Variants in SMAP2 observed in about 807,000 individuals in gnomAD.
The protein encoded by SMAP2 is small ArfGAP2.
In SMAP2, 25 loss-of-function variants were observed where a neutral mutation model predicts 56.4. That is an observed-to-expected ratio of 0.44 (90% CI 0.32 to 0.62). The LOEUF (loss-of-function observed/expected upper bound fraction) is 0.62. SMAP2 is among the 20% of genes least tolerant of loss of function. The pLI is 0.04. For synonymous variants in SMAP2, 157 were observed against 181.7 expected (o/e 0.86, Z 1.09); for missense variants, 388 against 545.6 (o/e 0.71, Z 2.88).
chr1:40,403,640 C>T, intron 1 of SMAP2: 1 of 984,832 alleles, frequency 1.0e-6, no homozygotes, highest in South Asian at 4.7e-5. Context: ...TTCTATACCA[C>T]ATCCTTATAT....
At chr1:40,375,678 G>T in intron 1 of SMAP2, 1 of 361,496 alleles carries the variant, frequency 2.8e-6, no homozygotes, top group Non-Finnish European at 3.9e-6. Flanking sequence ...TAGGTCTATT[G>T]GAAGATTTGG....
chr1:40,388,916 C>G (rs556419591), intron 1 of SMAP2, among the ~76,000 whole-genome samples: 1 of 151,810 alleles, frequency 6.6e-6, no homozygotes, highest in African/African-American at 2.4e-5. Context: ...CCGGGAGGAA[C>G]GAACAATTCC....
At position 40,422,221 on chromosome 1, in the gene SMAP2, T is replaced by A. The variant is rs1645050761; in HGVS notation, c.*120T>A. 1 of 1,399,736 alleles carries A rather than the reference T, an allele frequency of 7.1e-7. No individual in the cohort carries two copies. Among genetic ancestry groups the A allele is most frequent in the African/African-American group, 1.4e-5 (1 of 70,004 alleles). 86.7% of individuals were successfully genotyped at this position (1,399,736 alleles called of 1,614,324 possible). Reference sequence around the variant, plus strand: ...TCTGTTTGGTTTAGAAATTGCTCAATAAGTCATTTGGGGTTTGGCATCCTG... The same window carrying A: ...TCTGTTTGGTTTAGAAATTGCTCAAAAAGTCATTTGGGGTTTGGCATCCTG... On this transcript the variant is annotated 3_prime_UTR_variant, in exon 10 of 10. Coordinates refer to ENST00000372718, the MANE Select transcript of SMAP2 (RefSeq NM_022733.3).
At chr1:40,351,653 A>C (rs11588759) in intron 1 of SMAP2, among the ~76,000 whole-genome samples, 2 of 152,002 alleles carry the variant, frequency 1.3e-5, no homozygotes, top group East Asian at 3.8e-4. Context: ...ACAGGCGTGC[A>C]CCACCAAGCC....
chr1:40,383,919 CAG>C (rs982498597), intron 1 of SMAP2, among the ~76,000 whole-genome samples: 3 of 151,936 alleles, frequency 2.0e-5, no homozygotes, highest in Admixed American at 6.6e-5. Context: ...TTTCTGGAGA[CAG>C]AGTCTTGCTC....
rs1002939552 is a variant in SMAP2 at position 40,376,212 on chromosome 1, A to T, written c.103+1989A>T. ...GTGATCCACCCGCCTCAGCCTTCCA[A>T]AGTGCTGGGATTACAGGTGTGAGCC... On this transcript the variant is annotated intron_variant, in intron 1 of 9. Coordinates refer to ENST00000372718, the MANE Select transcript of SMAP2 (RefSeq NM_022733.3). Among the ~76,000 whole-genome samples, 9 of 152,268 alleles carry T rather than the reference A, an allele frequency of 5.9e-5. No individual in the cohort carries two copies. The South Asian group carries it at 1.9e-3, about 32-fold the overall frequency.
rs374248678 is a variant in SMAP2, at chr1:40,415,257, G to T, written c.572-15G>T. On this transcript the variant is annotated splice_polypyrimidine_tract_variant and intron_variant, in intron 6 of 9. Coordinates refer to ENST00000372718, the MANE Select transcript of SMAP2 (RefSeq NM_022733.3). Reference sequence around the variant, plus strand: ...ATAAGCAGTGCTGCATCTTAACTTCGATCTCTCTTTCTAGATGCTCCTGTG... The same window carrying T: ...ATAAGCAGTGCTGCATCTTAACTTCTATCTCTCTTTCTAGATGCTCCTGTG... The T allele has an allele frequency of 6.6e-5, 106 of 1,595,400 alleles. 2 individuals are homozygous for T. The African/African-American group carries it at 1.2e-3, about 18-fold the overall frequency.
At position 40,422,417 on chromosome 1, in the gene SMAP2, A is replaced by G. The variant is rs1645052329; in HGVS notation, c.*316A>G. On this transcript the variant is annotated 3_prime_UTR_variant, in exon 10 of 10. Coordinates refer to ENST00000372718, the MANE Select transcript of SMAP2 (RefSeq NM_022733.3). ...TGCACACCTTTGAGTCCCTTCCCTCAAGGTTAAAGCTCCTGTCAGACTCTC... is the reference window on the plus strand; with the variant it reads ...TGCACACCTTTGAGTCCCTTCCCTCGAGGTTAAAGCTCCTGTCAGACTCTC... The G allele has an allele frequency of 3.3e-6, 1 of 306,708 alleles. No homozygotes were observed. Among genetic ancestry groups the G allele is most frequent in the South Asian group, 3.7e-5 (1 of 26,724 alleles). 19.0% of individuals were successfully genotyped at this position (306,708 alleles called of 1,614,324 possible).
intron 1 of SMAP2, among the ~76,000 whole-genome samples, chr1:40,393,690 C>T (rs1326196612): frequency 2.0e-5 from 3 of 151,732 alleles, no homozygotes; most frequent in Non-Finnish European, 4.4e-5. Flanking sequence ...GTATTACAGG[C>T]GTGAGCCACA....
At chr1:40,366,028 C>A (rs1173435897) in intron 2 of SMAP2, among the ~76,000 whole-genome samples, 1 of 146,686 alleles carries the variant, frequency 6.8e-6, no homozygotes, top group Non-Finnish European at 1.5e-5. Context: ...GAGCTGAAAA[C>A]CAAGGCTCGA....
In SMAP2 at chr1:40,416,990, G is replaced by A; in HGVS notation, c.1058G>A (p.Gly353Glu). ...GCATCAATGATGGGTGTGCCGAATG[G>A]AATGATGACCACCCAGCAGGCTGGC... is the stretch of plus-strand genomic sequence containing the variant. ...MQASMMGVPN[G>E]MMTTQQAGYM... The change falls in exon 9 of 10, where the codon GGA becomes GAA. Residue 353 changes from glycine (G) to glutamate (E), a missense_variant. Gly to Glu is a moderately conservative substitution (Grantham distance 98, BLOSUM62 -2). Transcript: ENST00000372718. The A allele has an allele frequency of 6.2e-7, 1 of 1,614,182 alleles. No individual in the cohort carries two copies. Among genetic ancestry groups the A allele is most frequent in the East Asian group, 2.2e-5 (1 of 44,874 alleles).
intron 1 of SMAP2, among the ~76,000 whole-genome samples, chr1:40,380,529 C>CTTTTTTTTTTTTTTTTTTTTTTTTT (rs370625950): frequency 1.4e-5 from 2 of 142,878 alleles, no homozygotes; most frequent in Non-Finnish European, 1.5e-5. Context: ...ATCTGTGGCA[C>CTTTTTTTTTTTTTTTTTTTTTTTTT]TTTTTTTTTT....
Position 40,413,076 on chromosome 1 carries a change from C to A in SMAP2, c.463C>A (p.Pro155Thr), listed in dbSNP as rs1233908244. ...SEPVPEKKLE[P>T]VVFEKVKMPQ... ...ACCAGTTCCAGAAAAAAAATTGGAA[C>A]CTGTTGTTTTTGAGAAGGTGAAAAT... Residue 155 changes from proline to threonine, a missense_variant, in exon 5 of 10, where the codon CCT becomes ACT. Coordinates refer to ENST00000372718, the MANE Select transcript of SMAP2 (RefSeq NM_022733.3). The A allele has an allele frequency of 2.5e-6, 4 of 1,613,696 alleles. No homozygotes were observed. Among genetic ancestry groups the A allele is most frequent in the South Asian group, 1.1e-5 (1 of 91,064 alleles).
chr1:40,408,601 C>T lies in SMAP2; in HGVS notation c.238-52C>T. The T allele has an allele frequency of 6.6e-7, 1 of 1,509,882 alleles. No individual in the cohort carries two copies. The highest frequency in any genetic ancestry group is 9.2e-7 in the Non-Finnish European group (1 of 1,087,614). The allele number at this position is 1,509,882 out of a possible 1,614,324, so 93.5% of individuals were successfully genotyped here. On this transcript the variant is annotated intron_variant, in intron 2 of 9. Transcript: ENST00000372718. The surrounding 1 kb of genome is among the most constrained non-coding windows in gnomAD (Gnocchi z 4.3). ...TAGTGGAATTGGGTGAGAAGTTTTT[C>T]AGTTCTTTCTTGATCTGACGTTCCA... is the stretch of plus-strand genomic sequence containing the variant.
chr1:40,397,591 G>A (rs1394556217), intron 1 of SMAP2, among the ~76,000 whole-genome samples: 2 of 151,934 alleles, frequency 1.3e-5, no homozygotes, highest in South Asian at 2.1e-4. Context: ...GCTTATTGAC[G>A]AATTCATTTA....
At chr1:40,405,317 A>G (rs1370533267) in intron 1 of SMAP2, among the ~76,000 whole-genome samples, 2 of 152,010 alleles carry the variant, frequency 1.3e-5, no homozygotes, top group East Asian at 1.9e-4. Context: ...AGTGAGACCT[A>G]GTCTCTACAG....
intron 9 of SMAP2, among the ~76,000 whole-genome samples, chr1:40,420,962 T>C (rs1006192837): frequency 6.6e-6 from 1 of 152,146 alleles, no homozygotes; most frequent in Non-Finnish European, 1.5e-5. Flanking sequence ...GTGTTCATTG[T>C]TTTGTGGTTC....
intron 1 of SMAP2, among the ~76,000 whole-genome samples, chr1:40,394,556 C>T (rs1284819350): frequency 6.6e-6 from 1 of 152,020 alleles, no homozygotes; most frequent in Non-Finnish European, 1.5e-5. Context: ...GGCAGAAAAT[C>T]TCTTGGCTAG....
At chr1:40,354,008 G>A (rs1644421753) in intron 1 of SMAP2, among the ~76,000 whole-genome samples, 1 of 152,150 alleles carries the variant, frequency 6.6e-6, no homozygotes, top group Non-Finnish European at 1.5e-5. Flanking sequence ...TGGCAAAGCA[G>A]AATGATAAAG....
Sources: allele counts gnomAD v4.1 joint callset (sites outside exome capture counted in the v4.1 genomes callset), GRCh38; gene constraint gnomAD v4.1.1; non-coding constraint Gnocchi (gnomAD v3.1); transcripts MANE v1.5; gene names NCBI Gene and HGNC (gene_info 2026-07-23, HGNC 2026-07-21).